The following PTPRD variants were observed in gnomAD, a reference collection of about 807,000 sequenced individuals.
PTPRD encodes receptor-type tyrosine-protein phosphatase delta.
PTPRD carries 34 observed loss-of-function variants against 214.5 expected under a neutral mutation model. The ratio of observed to expected loss-of-function variants is 0.16; its 90% CI spans 0.12 to 0.21. The LOEUF is 0.21. PTPRD is among the 10% of genes least tolerant of loss of function. The pLI, the probability that PTPRD is intolerant of heterozygous loss-of-function variation, is 1.00. For missense variants in PTPRD, 2,545 were observed against 2,398.7 expected (o/e 1.06, Z -1.27); for synonymous variants, 1,128 against 845.7 (o/e 1.33, Z -5.79).
chr9:9,596,238 T>C (rs1592554929), intron 7 of PTPRD, among the ~76,000 whole-genome samples: 1 of 151,996 alleles, frequency 6.6e-6, no homozygotes, highest in East Asian at 1.9e-4. Context: ...ACATCTTTAA[T>C]GAATATTTTG....
chr9:10,564,690 A>T (rs1480143638), intron 2 of PTPRD, among the ~76,000 whole-genome samples: 1 of 152,034 alleles, frequency 6.6e-6, no homozygotes, highest in Non-Finnish European at 1.5e-5. Flanking sequence ...TTGATTCCCA[A>T]ATTCACTCTT....
intron 39 of PTPRD, among the ~76,000 whole-genome samples, chr9:8,368,433 G>T (rs764467615): frequency 6.6e-6 from 1 of 152,110 alleles, no homozygotes; most frequent in African/African-American, 2.4e-5. Context: ...TTGGTGATAG[G>T]TTCTCAGTTG....
chr9:9,523,921 G>A (rs1002151156), intron 8 of PTPRD, among the ~76,000 whole-genome samples: 1 of 152,006 alleles, frequency 6.6e-6, no homozygotes, highest in African/African-American at 2.4e-5. Context: ...TGCTTCCGAC[G>A]GGCTGACTTC....
chr9:10,360,377 TCAGA>T (rs1443308311), intron 2 of PTPRD, among the ~76,000 whole-genome samples: 8 of 152,374 alleles, frequency 5.3e-5, no homozygotes, highest in East Asian at 3.9e-4. Context: ...TTTTACTATA[TCAGA>T]CAATGTCATG....
At chr9:8,520,482 A>G (rs888471723) in intron 20 of PTPRD, among the ~76,000 whole-genome samples, 1 of 152,136 alleles carries the variant, frequency 6.6e-6, no homozygotes, top group African/African-American at 2.4e-5. Context: ...TGCCTACAAC[A>G]TTGCCTAGGA....
intron 20 of PTPRD, among the ~76,000 whole-genome samples, chr9:8,519,369 G>A (rs2097847872): frequency 6.6e-6 from 1 of 152,110 alleles, no homozygotes; most frequent in Admixed American, 6.5e-5. Context: ...TAAACTGTCT[G>A]CTTTGCTGAC....
At chr9:9,663,316 C>A (rs1198688101) in intron 7 of PTPRD, among the ~76,000 whole-genome samples, 3 of 151,164 alleles carry the variant, frequency 2.0e-5, no homozygotes, top group Non-Finnish European at 4.4e-5. Flanking sequence ...TTGTAAATAT[C>A]TATATTTATA....
intron 5 of PTPRD, among the ~76,000 whole-genome samples, chr9:9,906,559 G>A (rs555522648): frequency 1.3e-4 from 19 of 151,908 alleles, no homozygotes; most frequent in Non-Finnish European, 2.7e-4. Context: ...GAAGTTAGTT[G>A]AAGACAGACA....
chr9:9,795,956 T>C (rs552632806), intron 5 of PTPRD, among the ~76,000 whole-genome samples: 1 of 152,280 alleles, frequency 6.6e-6, no homozygotes, highest in African/African-American at 2.4e-5. Context: ...ATGTGAAGAA[T>C]ATATCAATGA....
At chr9:9,049,792 C>T (rs1236938936) in intron 10 of PTPRD, among the ~76,000 whole-genome samples, 2 of 152,010 alleles carry the variant, frequency 1.3e-5, no homozygotes, top group Admixed American at 1.3e-4. Flanking sequence ...TGAGTCCTGC[C>T]CTGGATGAAT....
intron 11 of PTPRD, among the ~76,000 whole-genome samples, chr9:9,002,117 T>A (rs2099424440): frequency 6.6e-6 from 1 of 152,002 alleles, no homozygotes; most frequent in South Asian, 2.1e-4. Context: ...TTTACAAGAA[T>A]TTTTAACATA....
At chr9:9,723,226 A>G (rs563746101) in intron 7 of PTPRD, among the ~76,000 whole-genome samples, 6 of 152,124 alleles carry the variant, frequency 3.9e-5, no homozygotes, top group Non-Finnish European at 5.9e-5. Flanking sequence ...TCATTCTTTT[A>G]CATAAGACTA....
At chr9:10,295,922 G>C (rs1304013029) in intron 3 of PTPRD, among the ~76,000 whole-genome samples, 1 of 151,998 alleles carries the variant, frequency 6.6e-6, no homozygotes, top group Admixed American at 6.6e-5. Flanking sequence ...GGCTTCCTCA[G>C]ATCTCAGACT....
At chr9:8,505,163 TA>T (rs1437568258) in intron 22 of PTPRD, among the ~76,000 whole-genome samples, 2 of 152,206 alleles carry the variant, frequency 1.3e-5, no homozygotes, top group Non-Finnish European at 2.9e-5. Flanking sequence ...CTTCCGTGCT[TA>T]AAATTTGTCA....
chr9:8,700,605 C>CA (rs1690088463), intron 12 of PTPRD: 2 of 152,064 alleles, frequency 1.3e-5, no homozygotes, highest in South Asian at 4.1e-4. Flanking sequence ...TAAAAACAGG[C>CA]AATTGAATCC....
chr9:10,124,176 T>A (rs1320497519), intron 3 of PTPRD, among the ~76,000 whole-genome samples: 1 of 152,206 alleles, frequency 6.6e-6, no homozygotes, highest in Non-Finnish European at 1.5e-5. Context: ...TGATTTGTTA[T>A]ATCATTTGTT....
At chr9:9,912,880 C>A (rs1258600895) in intron 5 of PTPRD, among the ~76,000 whole-genome samples, 1 of 152,026 alleles carries the variant, frequency 6.6e-6, no homozygotes, top group African/African-American at 2.4e-5. Flanking sequence ...TAGGAAAGAA[C>A]ATAAAAATAG....
At chr9:9,710,734 T>G (rs2097709959) in intron 7 of PTPRD, among the ~76,000 whole-genome samples, 1 of 152,162 alleles carries the variant, frequency 6.6e-6, no homozygotes, top group Non-Finnish European at 1.5e-5. Flanking sequence ...AATTTCTGAG[T>G]TGATCCAGAA....
chr9:10,242,965 C>A (rs577986303), intron 3 of PTPRD, among the ~76,000 whole-genome samples: 1 of 151,320 alleles, frequency 6.6e-6, no homozygotes, highest in African/African-American at 2.4e-5. Context: ...GAGCCAAAGA[C>A]AAAGATATGG....
Sources: allele counts gnomAD v4.1 joint callset (sites outside exome capture counted in the v4.1 genomes callset), GRCh38; gene constraint gnomAD v4.1.1; transcripts MANE v1.5; gene names NCBI Gene and HGNC (gene_info 2026-07-23, HGNC 2026-07-21).